TBX22: variants seen among roughly 807,000 people sequenced by gnomAD.
TBX22 encodes the protein T-box transcription factor TBX22.
A neutral mutation model predicts 30.1 loss-of-function variants in TBX22; 8 were observed. The observed-to-expected ratio is 0.27, with a 90% CI of 0.16 to 0.48. The LOEUF is 0.48. Ranked by LOEUF, TBX22 falls within the 20% of genes least tolerant of loss-of-function variation. The pLI is 0.99. For missense variants in TBX22, 463 were observed against 400.5 expected (o/e 1.16, Z -1.33); for synonymous variants, 173 against 149.1 (o/e 1.16, Z -1.17).
chrX:80,017,222 G>A (rs1258033054), intron 1 of TBX22, among the ~76,000 whole-genome samples: 1 of 109,290 alleles, frequency 9.1e-6, no homozygotes, highest in African/African-American at 3.3e-5. Flanking sequence ...AAGTGCCAAT[G>A]GAGCACCAGA....
At position 80,022,700 on chromosome X, in the gene TBX22, C is replaced by G. The variant is rs1923773487; in HGVS notation, c.175+256C>G. 3 of 432,934 alleles carry G rather than the reference C, an allele frequency of 6.9e-6. No homozygotes were observed. In the South Asian group the frequency reaches 1.0e-4, roughly 15 times the overall value. The allele number at this position is 432,934 out of a possible 1,213,427, so 35.7% of individuals were successfully genotyped here. ...CCTCCTCCTACCTTCGCGGAAAGCT[C>G]TCACCGCCAGCGGGTGGCTGCTGTA... is the stretch of plus-strand genomic sequence containing the variant. On this transcript the variant is annotated intron_variant, in intron 2 of 8. Coordinates refer to ENST00000373296, the MANE Select transcript of TBX22 (RefSeq NM_001109878.2).
At chrX:80,029,381 GTTTTAGTAGATGCTAGGCAAAC>G (rs1320988917) in intron 8 of TBX22, among the ~76,000 whole-genome samples, 1 of 111,957 alleles carries the variant, frequency 8.9e-6, no homozygotes, top group African/African-American at 3.2e-5. Context: ...ATTATCCCTA[GTTTTAGTAGATGCTAGGCAAAC>G]ATAAAAAATC....
Position 80,026,813 on chromosome X carries a change from C to T in TBX22, c.743C>T (p.Thr248Ile). The change falls in exon 6 of 9, where the codon ACA becomes ATA. Residue 248 changes from threonine to isoleucine, a missense_variant. By Grantham distance (89) the Thr-to-Ile change is moderately conservative. Coordinates refer to ENST00000373296, the MANE Select transcript of TBX22 (RefSeq NM_001109878.2). ...TCCTTGCCCACTGAAGGTGTTAAAACATTCTCCTTTAAAGAAACTGAGTTC... is the reference window on the plus strand; with the variant it reads ...TCCTTGCCCACTGAAGGTGTTAAAATATTCTCCTTTAAAGAAACTGAGTTC... ...IQSLPTEGVK[T>I]FSFKETEFTT... 2 of 1,211,637 alleles carry T rather than the reference C, an allele frequency of 1.7e-6. No individual in the cohort carries two copies. Among genetic ancestry groups the T allele is most frequent in the African/African-American group, 1.7e-5 (1 of 57,796 alleles).
In TBX22 at chrX:80,014,794, G is replaced by T. The variant is rs972063909; in HGVS notation, c.-96G>T. 8.9e-6 allele frequency: 1 copy of T among 112,398 alleles called. No homozygotes were observed. Among genetic ancestry groups the T allele is most frequent in the African/African-American group, 3.2e-5 (1 of 30,902 alleles). 9.3% of individuals were successfully genotyped at this position (112,398 alleles called of 1,213,427 possible). A position where few individuals can be genotyped will look rare whatever the true frequency, so the allele number is the denominator to read the frequency against. Reference sequence around the variant, plus strand: ...TTGAGAAGAGCTGCTGCAGGCATTTGCAGAGTGAATGAGCTCTGACTGAGA... The same window carrying T: ...TTGAGAAGAGCTGCTGCAGGCATTTTCAGAGTGAATGAGCTCTGACTGAGA... On this transcript the variant is annotated 5_prime_UTR_variant, in exon 1 of 9. Transcript: ENST00000373296.
intron 5 of TBX22, 43 bp from the exon 6 acceptor site, chrX:80,026,661 C>T: frequency 1.7e-6 from 2 of 1,197,645 alleles, no homozygotes; most frequent in Non-Finnish European, 2.3e-6. Context: ...GGGTTTGGGA[C>T]TGAAGCCAGT....
intron 6 of TBX22, 58 bp from the exon 7 acceptor site, chrX:80,027,198 C>A: frequency 1.5e-6 from 1 of 662,178 alleles, no homozygotes; most frequent in Non-Finnish European, 2.5e-6. Flanking sequence ...TAAGCAATGG[C>A]AACAGTGTTC....
At chrX:80,019,311 CA>C (rs770819197) in intron 1 of TBX22, among the ~76,000 whole-genome samples, 6 of 99,464 alleles carry the variant, frequency 6.0e-5, no homozygotes, top group Admixed American at 1.1e-4. Flanking sequence ...CAAGTAATGA[CA>C]AAAAAAAAAG....
At chrX:80,017,179 C>T (rs1923483740) in intron 1 of TBX22, among the ~76,000 whole-genome samples, 2 of 109,853 alleles carry the variant, frequency 1.8e-5, no homozygotes, top group African/African-American at 6.6e-5. Context: ...TCCAGCAGTC[C>T]TGATTGAGCC....
intron 3 of TBX22, among the ~76,000 whole-genome samples, chrX:80,023,687 G>C (rs1429591): frequency 3.6e-5 from 4 of 110,945 alleles, no homozygotes; most frequent in African/African-American, 9.9e-5. Flanking sequence ...ACTGCAGCTG[G>C]TTATTTTGTG....
rs777694182 is a variant in TBX22, at chrX:80,026,695, C to T, written c.634-9C>T. ...GTTTTTCTAACAGCATTGATCATTT[C>T]TCCTCCAGATCATTCTGCAATCCAT... On this transcript the variant is annotated splice_polypyrimidine_tract_variant and intron_variant, in intron 5 of 8. Transcript: ENST00000373296. 5 of 1,211,057 alleles carry T rather than the reference C, an allele frequency of 4.1e-6. No homozygotes were observed. The East Asian group carries it at 1.5e-4, about 36-fold the overall frequency.
Position 80,023,214 on chromosome X carries a change from T to C in TBX22, c.330T>C (p.Thr110=), listed in dbSNP as rs750938333. 8.3e-7 allele frequency: 1 copy of C among 1,211,574 alleles called. No individual in the cohort carries two copies. The highest frequency in any genetic ancestry group is 1.1e-6 in the Non-Finnish European group (1 of 895,307). ...GGAAAAGATTCCATGACATCGGGAC[T>C]GAGATGATCATTACTAAAGCGGGCA... ...ELWKRFHDIG[T]EMIITKAGRR... The change falls in exon 3 of 9, where the codon ACT becomes ACC. Residue 110 remains threonine (T), a synonymous_variant. Transcript: ENST00000373296.
chrX:80,031,406 G>T lies in TBX22; in HGVS notation c.*295G>T. 1 of 269,305 alleles carries T rather than the reference G, an allele frequency of 3.7e-6. No individual in the cohort carries two copies. Among genetic ancestry groups the T allele is most frequent in the Non-Finnish European group, 6.5e-6 (1 of 153,336 alleles). The allele number at this position is 269,305 out of a possible 1,213,427, so 22.2% of individuals were successfully genotyped here. A position where few individuals can be genotyped will look rare whatever the true frequency, so the allele number is the denominator to read the frequency against. ...CAGTGAAAATTGATGCTAAGTGATG[G>T]GATTTTCAATTATACTGAAGCTAGT... On this transcript the variant is annotated 3_prime_UTR_variant, in exon 9 of 9. Transcript: ENST00000373296.
intron 5 of TBX22, 35 bp downstream of exon 5, chrX:80,025,812 G>C (rs1162060793): frequency 8.7e-7 from 1 of 1,151,286 alleles, no homozygotes; most frequent in Non-Finnish European, 1.2e-6. Flanking sequence ...CGAGGAGGGA[G>C]GTGCCAAGGC....
At chrX:80,021,801 G>T (rs1028061084) in intron 1 of TBX22, among the ~76,000 whole-genome samples, 1 of 111,673 alleles carries the variant, frequency 9.0e-6, no homozygotes, top group Non-Finnish European at 1.9e-5. Flanking sequence ...CTCCCAATCC[G>T]AGCAACCTGA....
intron 4 of TBX22, among the ~76,000 whole-genome samples, chrX:80,025,394 C>G (rs1053087313): frequency 8.9e-6 from 1 of 112,411 alleles, no homozygotes; most frequent in Non-Finnish European, 1.9e-5. Flanking sequence ...TGACATTTTA[C>G]TTTCCCTGCA....
In TBX22 at chrX:80,020,316, G is replaced by GATA. The variant is rs764515951; in HGVS notation, c.-2-1950_-2-1949insAAT. ...AGATAGATAGATAGATAGATAGATA[G>GATA]ATGATACATATAGATAGATAGACAG... On this transcript the variant is annotated intron_variant, in intron 1 of 8. Transcript: ENST00000373296. 3.7e-5 allele frequency among the ~76,000 whole-genome samples: 4 copies of GATA among 107,356 alleles called. No homozygotes were observed. The East Asian group carries it at 1.2e-3, about 32-fold the overall frequency. 93.2% of individuals were successfully genotyped at this position (107,356 alleles called of 115,157 possible).
rs189738709 is a variant in TBX22 at position 80,018,191 on chromosome X, C to T, written c.-3+3304C>T. On this transcript the variant is annotated intron_variant, in intron 1 of 8. Coordinates refer to ENST00000373296, the MANE Select transcript of TBX22 (RefSeq NM_001109878.2). Reference sequence around the variant, plus strand: ...GAGAATTACTTTAATATTAATTAGGCCACATCCCTCAATTTCCTGAAGTGA... The same window carrying T: ...GAGAATTACTTTAATATTAATTAGGTCACATCCCTCAATTTCCTGAAGTGA... Among the ~76,000 whole-genome samples, 522 of 111,727 alleles carry T rather than the reference C, an allele frequency of 4.7e-3. 5 individuals carry two copies. Among genetic ancestry groups the T allele is most frequent in the Non-Finnish European group, 6.3e-3 (334 of 53,116 alleles).
chrX:80,023,017 G>C lies in TBX22; in HGVS notation c.176-43G>C, dbSNP rs202083434. On this transcript the variant is annotated intron_variant, in intron 2 of 8. Coordinates refer to ENST00000373296, the MANE Select transcript of TBX22 (RefSeq NM_001109878.2). ...CCAGCGAGAAGTGGGCATGTGAACTGTGACGCTCTCTCAAACCCTGAGCGC... is the reference window on the plus strand; with the variant it reads ...CCAGCGAGAAGTGGGCATGTGAACTCTGACGCTCTCTCAAACCCTGAGCGC... 1.0e-4 allele frequency: 123 copies of C among 1,187,626 alleles called. 1 individual carries two copies. In the East Asian group the frequency reaches 3.5e-3, roughly 34 times the overall value.
intron 8 of TBX22, among the ~76,000 whole-genome samples, chrX:80,029,984 CA>C (rs1924167145): frequency 1.8e-5 from 2 of 111,285 alleles, no homozygotes; most frequent in African/African-American, 6.5e-5. Flanking sequence ...TTTTTGGTAC[CA>C]GGGGCCAGTT....
Sources: allele counts gnomAD v4.1 joint callset (sites outside exome capture counted in the v4.1 genomes callset), GRCh38; gene constraint gnomAD v4.1.1; transcripts MANE v1.5; gene names NCBI Gene and HGNC (gene_info 2026-07-23, HGNC 2026-07-21).